The following LRRTM3 variants were observed in gnomAD, a reference collection of about 807,000 sequenced individuals.
LRRTM3 encodes leucine rich repeat transmembrane neuronal 3.
LRRTM3 carries 24 observed loss-of-function variants against 44.7 expected under a neutral mutation model. That is an observed-to-expected ratio of 0.54 (90% CI 0.39 to 0.76). LRRTM3 has a LOEUF of 0.76. Among genes scored for constraint, LRRTM3 ranks in the 30% least tolerant of loss-of-function variants. LRRTM3 has a pLI of 0.00. For synonymous variants in LRRTM3, 277 were observed against 278.7 expected, an observed-to-expected ratio of 0.99 and a Z score of 0.06; for missense variants, 587 against 702.2, an observed-to-expected ratio of 0.84 and a Z score of 1.85.
intron 2 of LRRTM3, among the ~76,000 whole-genome samples, chr10:67,023,810 C>G (rs1343714953): frequency 2.0e-5 from 3 of 152,090 alleles, no homozygotes; most frequent in Non-Finnish European, 4.4e-5. Context: ...TGTAAGACTG[C>G]AAGGTTAGGA....
At chr10:66,945,084 C>T (rs1249461400) in intron 2 of LRRTM3, among the ~76,000 whole-genome samples, 2 of 152,112 alleles carry the variant, frequency 1.3e-5, no homozygotes, top group East Asian at 3.8e-4. Flanking sequence ...TCAGCAGCTG[C>T]ACTAGCCTCT....
intron 2 of LRRTM3, among the ~76,000 whole-genome samples, chr10:66,976,437 C>G (rs919751074): frequency 6.6e-6 from 1 of 152,132 alleles, no homozygotes. Context: ...TTTCTCACCA[C>G]CACTTCTATT....
intron 2 of LRRTM3, among the ~76,000 whole-genome samples, chr10:66,931,452 C>T (rs1847386210): frequency 6.6e-6 from 1 of 152,188 alleles, no homozygotes; most frequent in African/African-American, 2.4e-5. Flanking sequence ...GTTGACATTA[C>T]ATCTTTTCAA....
chr10:67,048,470 A>G (rs1589659585), intron 2 of LRRTM3, among the ~76,000 whole-genome samples: 1 of 152,146 alleles, frequency 6.6e-6, no homozygotes, highest in South Asian at 2.1e-4. Context: ...GTACAAAAGC[A>G]ATAATATATG....
chr10:66,988,047 T>A (rs1211977968), intron 2 of LRRTM3, among the ~76,000 whole-genome samples: 1 of 152,182 alleles, frequency 6.6e-6, no homozygotes, highest in Admixed American at 6.6e-5. Flanking sequence ...AGTCTTTTTG[T>A]CAATAATTTA....
At chr10:66,951,816 G>T (rs914513133) in intron 2 of LRRTM3, among the ~76,000 whole-genome samples, 1 of 152,136 alleles carries the variant, frequency 6.6e-6, no homozygotes, top group Non-Finnish European at 1.5e-5. Flanking sequence ...GGAGGTAGGG[G>T]ATGCATACAG....
chr10:67,048,183 A>C (rs1204326070), intron 2 of LRRTM3, among the ~76,000 whole-genome samples: 1 of 152,080 alleles, frequency 6.6e-6, no homozygotes, highest in Non-Finnish European at 1.5e-5. Context: ...ATGAGGTACA[A>C]ACAAAAATAA....
intron 2 of LRRTM3, among the ~76,000 whole-genome samples, chr10:67,090,837 C>T (rs1049197024): frequency 2.0e-5 from 3 of 152,068 alleles, no homozygotes; most frequent in South Asian, 2.1e-4. Flanking sequence ...GTAGAACCTG[C>T]GGTAACATCT....
At chr10:67,004,874 C>T (rs1851882251) in intron 2 of LRRTM3, among the ~76,000 whole-genome samples, 1 of 152,112 alleles carries the variant, frequency 6.6e-6, no homozygotes, top group African/African-American at 2.4e-5. Flanking sequence ...CCACTTCCTC[C>T]AGCCAAAAGG....
intron 2 of LRRTM3, among the ~76,000 whole-genome samples, chr10:67,063,167 A>T (rs906561364): frequency 2.0e-5 from 3 of 152,210 alleles, no homozygotes; most frequent in African/African-American, 7.2e-5. Context: ...CAGGCTTACA[A>T]GAAAAACAGT....
rs80117776 is a variant in LRRTM3 at position 67,079,993 on chromosome 10, G to A, written c.1537-17594G>A. The stretch of plus-strand genomic sequence containing the variant: ...AAATTGCTGTAGTTAGAGGAGGGTG[G>A]TTGTACAAGGTTTTGGTTTTGTTTT... On this transcript the variant is annotated intron_variant, in intron 2 of 2. Transcript: ENST00000361320. Among the ~76,000 whole-genome samples, 1,380 of 152,044 alleles carry A rather than the reference G, an allele frequency of 9.1e-3. 55 individuals carry two copies. In the East Asian group the frequency reaches 0.12, roughly 13 times the overall value.
intron 2 of LRRTM3, among the ~76,000 whole-genome samples, chr10:67,047,539 G>A (rs186694941): frequency 2.1e-3 from 320 of 152,206 alleles, no homozygotes; most frequent in Middle Eastern, 3.4e-3. Flanking sequence ...TGTGCTTCTT[G>A]TCTGACCACT....
At chr10:67,008,814 CT>C (rs1039394071) in intron 2 of LRRTM3, among the ~76,000 whole-genome samples, 1 of 152,094 alleles carries the variant, frequency 6.6e-6, no homozygotes, top group African/African-American at 2.4e-5. Flanking sequence ...GCATAAGAAT[CT>C]TTTTAAGTCT....
At chr10:66,944,021 G>A (rs1019935667) in intron 2 of LRRTM3, among the ~76,000 whole-genome samples, 1 of 152,094 alleles carries the variant, frequency 6.6e-6, no homozygotes, top group African/African-American at 2.4e-5. Context: ...TAAAAGTTGA[G>A]GTGACTGTGG....
At chr10:67,077,757 T>C (rs1856811206) in intron 2 of LRRTM3, among the ~76,000 whole-genome samples, 1 of 152,162 alleles carries the variant, frequency 6.6e-6, no homozygotes, top group Admixed American at 6.6e-5. Context: ...CTCATCTCAC[T>C]AGCACCTAAG....
At chr10:67,014,912 C>T (rs1038822675) in intron 2 of LRRTM3, among the ~76,000 whole-genome samples, 1 of 151,952 alleles carries the variant, frequency 6.6e-6, no homozygotes, top group Non-Finnish European at 1.5e-5. Flanking sequence ...ATTATATATG[C>T]ATTTTAATAT....
At chr10:66,967,570 T>C (rs1413935943) in intron 2 of LRRTM3, among the ~76,000 whole-genome samples, 3 of 152,026 alleles carry the variant, frequency 2.0e-5, no homozygotes, top group Admixed American at 6.6e-5. Context: ...TTAAGCAGTA[T>C]GCAAATGATA....
rs982049884 is a variant in LRRTM3 at position 67,100,702 on chromosome 10, A to G, written c.*2906A>G. On this transcript the variant is annotated 3_prime_UTR_variant, in exon 3 of 3. Coordinates refer to ENST00000361320, the MANE Select transcript of LRRTM3 (RefSeq NM_178011.5). ...CAATAACAGCCAGCAGCTGCAGCAA[A>G]CCATAAAGTTATGCAGTGTTTTGAA... is the stretch of plus-strand genomic sequence containing the variant. 6.6e-6 allele frequency among the ~76,000 whole-genome samples: 1 copy of G among 151,710 alleles called. No individual in the cohort carries two copies. Among genetic ancestry groups the G allele is most frequent in the African/African-American group, 2.4e-5 (1 of 41,388 alleles).
rs146762074 is a variant in LRRTM3 at position 66,992,475 on chromosome 10, C to A, written c.1536+64023C>A. Among the ~76,000 whole-genome samples the A allele has an allele frequency of 1.2e-3, 182 of 151,804 alleles. 1 individual carries two copies. Among genetic ancestry groups the A allele is most frequent in the African/African-American group, 4.2e-3 (175 of 41,400 alleles). ...CTTAGTATTATCTGAATAAAAAATT[C>A]TTTGTCAGTTCTAGTTTTATGCATT... On this transcript the variant is annotated intron_variant, in intron 2 of 2. Transcript: ENST00000361320.
Sources: allele counts gnomAD v4.1 joint callset (sites outside exome capture counted in the v4.1 genomes callset), GRCh38; gene constraint gnomAD v4.1.1; transcripts MANE v1.5; gene names NCBI Gene and HGNC (gene_info 2026-07-23, HGNC 2026-07-21).